MED13L: variants seen among roughly 807,000 people sequenced by gnomAD.
MED13L encodes the protein mediator of RNA polymerase II transcription subunit 13-like.
A neutral mutation model predicts 220.9 loss-of-function variants in MED13L; 7 were observed. That is an observed-to-expected ratio of 0.03 (90% CI 0.02 to 0.06). The LOEUF is 0.06. Among genes scored for constraint, MED13L ranks in the 10% least tolerant of loss-of-function variants. The probability of loss-of-function intolerance (pLI) is 1.00; values close to 1 mark genes in which losing one functional copy is unlikely to be tolerated. For missense variants in MED13L, 1,965 were observed against 2,760.5 expected, an observed-to-expected ratio of 0.71 and a Z score of 6.46; for synonymous variants, 1,011 against 1,015.2, an observed-to-expected ratio of 1.00 and a Z score of 0.08.
At chr12:116,274,485 A>G (rs1873654171) in intron 1 of MED13L, among the ~76,000 whole-genome samples, 7 of 151,818 alleles carry the variant, frequency 4.6e-5, no homozygotes, top group Admixed American at 4.6e-4. Context: ...TAAACCATAA[A>G]GCGTTCTTAT....
chr12:116,085,754 TCACACACACACACA>T (rs10611880), intron 4 of MED13L, among the ~76,000 whole-genome samples: 43 of 147,122 alleles, frequency 2.9e-4, no homozygotes, highest in African/African-American at 1.0e-3. Flanking sequence ...TTAAAATCAC[TCACACACACACACA>T]CACACACACA....
At chr12:116,074,243 A>G (rs1870607586) in intron 4 of MED13L, among the ~76,000 whole-genome samples, 1 of 152,132 alleles carries the variant, frequency 6.6e-6, no homozygotes, top group Non-Finnish European at 1.5e-5. Flanking sequence ...AAAAACACAA[A>G]AAGTAGCCGG....
intron 2 of MED13L, among the ~76,000 whole-genome samples, chr12:116,187,059 T>C (rs1029721674): frequency 8.5e-4 from 129 of 152,320 alleles, no homozygotes; most frequent in African/African-American, 3.0e-3. Flanking sequence ...AGCACTTTCC[T>C]ACCCACACTT....
At chr12:116,174,487 G>A (rs376816947) in intron 2 of MED13L, 2 of 136,486 alleles carry the variant, frequency 1.5e-5, no homozygotes, top group African/African-American at 5.3e-5. Flanking sequence ...TTTTTGTTTT[G>A]TTTTTTTTTT....
intron 4 of MED13L, among the ~76,000 whole-genome samples, chr12:116,035,621 C>T (rs1227276541): frequency 6.6e-6 from 1 of 151,992 alleles, no homozygotes; most frequent in African/African-American, 2.4e-5. Context: ...GACAGGGTCT[C>T]GTTCTGTCAC....
At chr12:116,065,364 T>C (rs985035983) in intron 4 of MED13L, among the ~76,000 whole-genome samples, 4 of 152,194 alleles carry the variant, frequency 2.6e-5, no homozygotes, top group Non-Finnish European at 4.4e-5. Flanking sequence ...TATGCATATA[T>C]ATGCTGAGTA....
chr12:116,068,703 G>C (rs1210917340), intron 4 of MED13L, among the ~76,000 whole-genome samples: 1 of 152,156 alleles, frequency 6.6e-6, no homozygotes, highest in Non-Finnish European at 1.5e-5. Context: ...CAGAATGTCA[G>C]TGTTTTAAAT....
At position 116,008,443 on chromosome 12, in the gene MED13L, T is replaced by A. The variant is rs775442091; in HGVS notation, c.1970A>T (p.Asp657Val). The change falls in exon 10 of 31, where the codon GAT becomes GTT. Residue 657 changes from aspartate to valine, a missense_variant. Transcript: ENST00000281928. ...CTCTGAGTTTACCTCCATTTTGGCATCACATCTCTCACCCTGGAGCTCTGG... is the reference window on the plus strand; with the variant it reads ...CTCTGAGTTTACCTCCATTTTGGCAACACATCTCTCACCCTGGAGCTCTGG... ...RPPELQGERC[D>V]AKMEVNSEST... 31 of 1,612,708 alleles carry A rather than the reference T, an allele frequency of 1.9e-5. No homozygotes were observed. In the Admixed American group the frequency reaches 5.2e-4, roughly 27 times the overall value.
rs568298840 is a variant in MED13L at position 116,041,950 on chromosome 12, A to T, written c.480-19349T>A. The stretch of plus-strand genomic sequence containing the variant: ...GAAATGGAGAAATTTAGCCAAGAGG[A>T]GACAACTCAGGAGAGAGATAAAAAC... On this transcript the variant is annotated intron_variant, in intron 4 of 30. Coordinates refer to ENST00000281928, the MANE Select transcript of MED13L (RefSeq NM_015335.5). Among the ~76,000 whole-genome samples the T allele has an allele frequency of 1.1e-4, 17 of 152,358 alleles. No homozygotes were observed. In the South Asian group the frequency reaches 3.5e-3, roughly 32 times the overall value.
Position 116,131,744 on chromosome 12 carries a change from C to T in MED13L, c.311-20232G>A, listed in dbSNP as rs533039819. ...CTGTAATCCCAGCACTTTGGGAGGC[C>T]AAGGAAGGCAGATCGCTTCAGCTCA... On this transcript the variant is annotated intron_variant, in intron 2 of 30. Coordinates refer to ENST00000281928, the MANE Select transcript of MED13L (RefSeq NM_015335.5). 3.3e-5 allele frequency among the ~76,000 whole-genome samples: 5 copies of T among 152,206 alleles called. No homozygotes were observed. In the South Asian group the frequency reaches 8.3e-4, roughly 25 times the overall value.
intron 2 of MED13L, among the ~76,000 whole-genome samples, chr12:116,227,143 A>C (rs1185049303): frequency 6.6e-6 from 1 of 152,162 alleles, no homozygotes; most frequent in Non-Finnish European, 1.5e-5. Context: ...TTATACTTTA[A>C]GCAGATCCAG....
At chr12:116,251,558 G>C (rs1272319724) in intron 1 of MED13L, among the ~76,000 whole-genome samples, 1 of 149,544 alleles carries the variant, frequency 6.7e-6, no homozygotes, top group African/African-American at 2.5e-5. Context: ...AGGAGATCGA[G>C]ACCATCCTGG....
At position 116,054,677 on chromosome 12, in the gene MED13L, G is replaced by A. The variant is rs138572243; in HGVS notation, c.480-32076C>T. ...ATACAATCATCAGTAAAAAGCTCAA[G>A]GGCACCAGAATGATTAAAAGAAAAG... On this transcript the variant is annotated intron_variant, in intron 4 of 30. Coordinates refer to ENST00000281928, the MANE Select transcript of MED13L (RefSeq NM_015335.5). Among the ~76,000 whole-genome samples the A allele has an allele frequency of 1.6e-3, 240 of 152,234 alleles. 2 individuals are homozygous for A. Among genetic ancestry groups the A allele is most frequent in the African/African-American group, 5.3e-3 (219 of 41,534 alleles).
At chr12:116,241,331 AC>A (rs1273079741) in intron 1 of MED13L, among the ~76,000 whole-genome samples, 5 of 148,952 alleles carry the variant, frequency 3.4e-5, no homozygotes, top group African/African-American at 1.0e-4. Flanking sequence ...AAACAAAAAA[AC>A]AAAAAAAAAA....
rs1882784858 is a variant in MED13L at position 116,212,942 on chromosome 12, C to G, written c.310+24526G>C. On this transcript the variant is annotated intron_variant, in intron 2 of 30. Transcript: ENST00000281928. ...CTTGACATGCTGCCATTAGATCAGG[C>G]AGACTATCTTCTGTGATGCTGCTAT... 2.0e-5 allele frequency among the ~76,000 whole-genome samples: 3 copies of G among 152,098 alleles called. No individual in the cohort carries two copies. The South Asian group carries it at 6.2e-4, about 32-fold the overall frequency.
intron 1 of MED13L, among the ~76,000 whole-genome samples, chr12:116,253,474 C>T (rs1301473014): frequency 6.6e-6 from 1 of 151,946 alleles, no homozygotes; most frequent in Non-Finnish European, 1.5e-5. Flanking sequence ...AACCATGATA[C>T]CAAAACCAAA....
At chr12:116,118,794 C>A (rs1874747463) in intron 2 of MED13L, among the ~76,000 whole-genome samples, 1 of 152,146 alleles carries the variant, frequency 6.6e-6, no homozygotes, top group Non-Finnish European at 1.5e-5. Context: ...GTGTCAAGCA[C>A]CAGGCTAAGA....
chr12:116,188,052 T>C (rs891917766), intron 2 of MED13L, among the ~76,000 whole-genome samples: 1 of 152,086 alleles, frequency 6.6e-6, no homozygotes, highest in Non-Finnish European at 1.5e-5. Flanking sequence ...TTGTGGTTTT[T>C]CAGGACTACG....
intron 2 of MED13L, among the ~76,000 whole-genome samples, chr12:116,228,505 G>C (rs571985965): frequency 1.4e-4 from 21 of 152,186 alleles, no homozygotes; most frequent in Non-Finnish European, 3.1e-4. Flanking sequence ...TTTCTGCAGA[G>C]ACAGGGTCCC....
Sources: allele counts gnomAD v4.1 joint callset (sites outside exome capture counted in the v4.1 genomes callset), GRCh38; gene constraint gnomAD v4.1.1; transcripts MANE v1.5; gene names NCBI Gene and HGNC (gene_info 2026-07-23, HGNC 2026-07-21).